The following RALGAPA1 variants were observed in gnomAD, a reference collection of about 807,000 sequenced individuals.
RALGAPA1 encodes ral GTPase-activating protein subunit alpha-1.
Under a neutral mutation model 269.6 loss-of-function variants are expected in RALGAPA1, and 52 were observed. The observed-to-expected ratio is 0.19, with a 90% CI of 0.15 to 0.24. The LOEUF is 0.24. RALGAPA1 is among the 10% of genes least tolerant of loss of function. The pLI, the probability that RALGAPA1 is intolerant of heterozygous loss-of-function variation, is 1.00. For synonymous variants in RALGAPA1, 817 were observed against 1,008.3 expected (o/e 0.81, Z 3.60); for missense variants, 1,917 against 3,013.9 (o/e 0.64, Z 8.52).
At chr14:35,717,760 G>A (rs776756399) in intron 16 of RALGAPA1, among the ~76,000 whole-genome samples, 20 of 151,896 alleles carry the variant, frequency 1.3e-4, no homozygotes, top group Non-Finnish European at 2.8e-4. Flanking sequence ...GTTTTACCAT[G>A]TTGTCCAGGC....
At chr14:35,657,478 C>A (rs2063258687) in intron 28 of RALGAPA1, among the ~76,000 whole-genome samples, 2 of 151,786 alleles carry the variant, frequency 1.3e-5, no homozygotes, top group African/African-American at 4.8e-5. Context: ...GCACGAGCCA[C>A]CACGCCTGGC....
At chr14:35,808,242 G>A (rs2077511517) in intron 1 of RALGAPA1, among the ~76,000 whole-genome samples, 1 of 152,116 alleles carries the variant, frequency 6.6e-6, no homozygotes, top group Non-Finnish European at 1.5e-5. Context: ...AAAGGGCGGG[G>A]CTCCTTCCCA....
intron 19 of RALGAPA1, 25 bp downstream of exon 19, chr14:35,686,517 A>C: frequency 6.3e-7 from 1 of 1,580,866 alleles, no homozygotes; most frequent in Non-Finnish European, 8.6e-7. Context: ...CCTCTATAAA[A>C]CCAAATATAT....
intron 41 of RALGAPA1, among the ~76,000 whole-genome samples, chr14:35,544,698 C>G (rs1331995449): frequency 6.6e-6 from 1 of 152,078 alleles, no homozygotes; most frequent in Non-Finnish European, 1.5e-5. Context: ...ATCTGGCTGC[C>G]TATAATTTCA....
chr14:35,595,676 T>G lies in RALGAPA1; in HGVS notation c.7167A>C (p.Ser2389=). The change falls in exon 37 of 42, where the codon TCA becomes TCC. Residue 2389 remains serine, a synonymous_variant. Transcript: ENST00000680220. ...TSTVEVIFHV[S]TRMPSDSDDS... is the part of the protein sequence containing the mutation. ...CATCAGAATCAGAAGGCATTCTTGT[T>G]GACACGTGAAATATTACCTCTACTG... 3 of 1,612,664 alleles carry G rather than the reference T, an allele frequency of 1.9e-6. No homozygotes were observed. Among genetic ancestry groups the G allele is most frequent in the Non-Finnish European group, 2.5e-6 (3 of 1,179,246 alleles).
At chr14:35,560,292 C>T (rs952991038) in intron 39 of RALGAPA1, among the ~76,000 whole-genome samples, 16 of 152,166 alleles carry the variant, frequency 1.1e-4, no homozygotes, top group African/African-American at 3.6e-4. Context: ...ACTTCTTGAT[C>T]TTTATCTGCC....
At chr14:35,570,950 T>C (rs2057139000) in intron 38 of RALGAPA1, among the ~76,000 whole-genome samples, 1 of 152,230 alleles carries the variant, frequency 6.6e-6, no homozygotes, top group Admixed American at 6.5e-5. Context: ...AGGGTGTCTA[T>C]TCAAAAGAAC....
chr14:35,790,684 TAAAAAAAAAAAAA>T (rs75409188), intron 1 of RALGAPA1, among the ~76,000 whole-genome samples: 1 of 92,414 alleles, frequency 1.1e-5, no homozygotes, highest in Non-Finnish European at 2.4e-5. Flanking sequence ...AGAGACTGTC[TAAAAAAAAAAAAA>T]AAAAAAGAAA....
chr14:35,665,558 T>G (rs2063861233), intron 26 of RALGAPA1, among the ~76,000 whole-genome samples: 1 of 152,194 alleles, frequency 6.6e-6, no homozygotes, highest in African/African-American at 2.4e-5. Flanking sequence ...CCAAGAGGAT[T>G]TCCACATCTG....
At chr14:35,577,001 T>C (rs1039897320) in intron 37 of RALGAPA1, among the ~76,000 whole-genome samples, 1 of 152,224 alleles carries the variant, frequency 6.6e-6, no homozygotes, top group African/African-American at 2.4e-5. Context: ...TTTATTGCAG[T>C]CTATGGTTTT....
intron 35 of RALGAPA1, among the ~76,000 whole-genome samples, chr14:35,609,938 A>G (rs2059824032): frequency 6.6e-6 from 1 of 151,198 alleles, no homozygotes; most frequent in Admixed American, 6.6e-5. Flanking sequence ...CAAAAAAAAA[A>G]AAAAAGAAAA....
chr14:35,720,691 C>T (rs2069324913), intron 16 of RALGAPA1, among the ~76,000 whole-genome samples: 1 of 152,134 alleles, frequency 6.6e-6, no homozygotes, highest in Non-Finnish European at 1.5e-5. Context: ...CTTTGAGAGG[C>T]CAAAGTGGGA....
chr14:35,644,423 T>C (rs932456409), intron 31 of RALGAPA1, among the ~76,000 whole-genome samples: 11 of 152,184 alleles, frequency 7.2e-5, no homozygotes, highest in African/African-American at 2.2e-4. Context: ...TAAAACTGCA[T>C]ACAAACAGAA....
intron 35 of RALGAPA1, among the ~76,000 whole-genome samples, chr14:35,613,233 C>G (rs1425399077): frequency 6.6e-6 from 1 of 151,846 alleles, no homozygotes; most frequent in Non-Finnish European, 1.5e-5. Flanking sequence ...AGGTGTGCAC[C>G]ACCATGCTTG....
intron 13 of RALGAPA1, among the ~76,000 whole-genome samples, chr14:35,726,903 A>G (rs2069974186): frequency 6.6e-6 from 1 of 152,186 alleles, no homozygotes; most frequent in African/African-American, 2.4e-5. Flanking sequence ...GTGAACAAGG[A>G]CAAGTTACTT....
Position 35,686,610 on chromosome 14 carries a change from TGCC to T in RALGAPA1, c.4006_4008del (p.Gly1336del). ...ATCAGATCAGGAACATTAGCACTGCTGCCGCCAATATCACTATTAAGAGGAGGC... is the reference window on the plus strand; with the variant it reads ...ATCAGATCAGGAACATTAGCACTGCTGCCAATATCACTATTAAGAGGAGGC... On this transcript the variant is annotated inframe_deletion, in exon 19 of 42. Coordinates refer to ENST00000680220, the MANE Select transcript of RALGAPA1 (RefSeq NM_001346249.2). The T allele has an allele frequency of 6.2e-7, 1 of 1,609,162 alleles. No individual in the cohort carries two copies. The highest frequency in any genetic ancestry group is 2.2e-5 in the East Asian group (1 of 44,730).
At chr14:35,768,335 C>T (rs10135966) in intron 4 of RALGAPA1, among the ~76,000 whole-genome samples, 20,088 of 152,184 alleles carry the variant, frequency 0.13, 1,379 homozygotes, top group African/African-American at 0.14. Context: ...CCTCTTTCAG[C>T]CTCTGCCAAG....
At chr14:35,680,177 G>A (rs981974856) in intron 21 of RALGAPA1, among the ~76,000 whole-genome samples, 8 of 151,976 alleles carry the variant, frequency 5.3e-5, no homozygotes, top group Non-Finnish European at 1.0e-4. Context: ...CATAAAAATC[G>A]AATTCATTTT....
intron 1 of RALGAPA1, among the ~76,000 whole-genome samples, chr14:35,798,604 A>G (rs1219323072): frequency 2.0e-5 from 3 of 152,242 alleles, no homozygotes; most frequent in African/African-American, 7.2e-5. Context: ...TTATGTATCC[A>G]AAAACATTTT....
Sources: gnomAD v4.1 joint callset for allele counts (sites outside exome capture counted in the v4.1 genomes callset) on GRCh38, gnomAD v4.1.1 for gene constraint, MANE v1.5 for transcripts, NCBI Gene and HGNC (gene_info 2026-07-23, HGNC 2026-07-21) for gene names.